Variants in NAB1 observed in about 807,000 individuals in gnomAD.
The protein encoded by NAB1 is NGFI-A-binding protein 1.
In NAB1, 25 loss-of-function variants were observed where a neutral mutation model predicts 49.9. That is an observed-to-expected ratio of 0.50 (90% CI 0.37 to 0.70). The LOEUF is 0.70. Ranked by LOEUF, NAB1 falls within the 30% of genes least tolerant of loss-of-function variation. The pLI, the probability that NAB1 is intolerant of heterozygous loss-of-function variation, is 0.00. For synonymous variants in NAB1, 198 were observed against 215.6 expected, an observed-to-expected ratio of 0.92 and a Z score of 0.71; for missense variants, 489 against 575.9, an observed-to-expected ratio of 0.85 and a Z score of 1.54.
In NAB1 at chr2:190,685,046, T is replaced by C. The variant is rs191991356; in HGVS notation, c.1096-430T>C. Among the ~76,000 whole-genome samples, 69 of 152,332 alleles carry C rather than the reference T, an allele frequency of 4.5e-4. No individual in the cohort carries two copies. The highest frequency in any genetic ancestry group is 8.4e-4 in the Non-Finnish European group (57 of 68,032). On this transcript the variant is annotated intron_variant, in intron 7 of 9. Coordinates refer to ENST00000337386, the MANE Select transcript of NAB1 (RefSeq NM_005966.4). This position sits in a 1 kb window ranked among gnomAD's most constrained non-coding sequence, Gnocchi z 4.5. ...TTACACCTTTTCTCCCCCAAACATA[T>C]TGTCATCATATCAGAGTCTGTGTAC...
intron 3 of NAB1, among the ~76,000 whole-genome samples, chr2:190,658,781 G>T (rs555396811): frequency 6.6e-6 from 1 of 152,338 alleles, no homozygotes; most frequent in East Asian, 1.9e-4. Flanking sequence ...TCAGCAAATG[G>T]TTAGCATACT....
At chr2:190,687,338 G>A (rs371922814) in intron 9 of NAB1, 21 bp downstream of exon 9, 2 of 1,256,580 alleles carry the variant, frequency 1.6e-6, no homozygotes, top group Non-Finnish European at 2.2e-6. Flanking sequence ...GCTATATGAT[G>A]AGAGGGTAAC....
rs923465722 is a variant in NAB1, at chr2:190,692,285, A to G, written c.*1952A>G. Reference sequence around the variant, plus strand: ...AGTTTGTAGATTTTCATAAGCCACAATTTTAAAAGATGCAGTAATCTTCCA... The same window carrying G: ...AGTTTGTAGATTTTCATAAGCCACAGTTTTAAAAGATGCAGTAATCTTCCA... On this transcript the variant is annotated 3_prime_UTR_variant, in exon 10 of 10. Coordinates refer to ENST00000337386, the MANE Select transcript of NAB1 (RefSeq NM_005966.4). The surrounding 1 kb of genome is among the most constrained non-coding windows in gnomAD (Gnocchi z 5.2). 6.6e-6 allele frequency: 1 copy of G among 152,598 alleles called. No homozygotes were observed. Among genetic ancestry groups the G allele is most frequent in the Non-Finnish European group, 1.5e-5 (1 of 68,024 alleles). 9.5% of individuals were successfully genotyped at this position (152,598 alleles called of 1,614,324 possible). A position where few individuals can be genotyped will look rare whatever the true frequency, so the allele number is the denominator to read the frequency against.
chr2:190,673,195 T>G, intron 6 of NAB1, 43 bp downstream of exon 6: 1 of 1,597,906 alleles, frequency 6.3e-7, no homozygotes, highest in South Asian at 1.1e-5. Context: ...TAATGTTTGC[T>G]TTTGTTTTAA....
chr2:190,690,095 TCTA>T, intron 9 of NAB1, 147 bp from the exon 10 acceptor site: 1 of 547,792 alleles, frequency 1.8e-6, no homozygotes, highest in Non-Finnish European at 3.2e-6. Flanking sequence ...TCTTAACAGC[TCTA>T]TGAACAAAAA....
chr2:190,683,499 A>C (rs1422624214), intron 6 of NAB1, among the ~76,000 whole-genome samples: 2 of 151,850 alleles, frequency 1.3e-5, no homozygotes, highest in Non-Finnish European at 2.9e-5. Context: ...CCTTCTTTCC[A>C]GTGTAAAACA....
In NAB1 at chr2:190,663,526, G is replaced by A. The variant is rs1186490258; in HGVS notation, c.819+3531G>A. ...TGGTGAGTTAAGTAGTTGTGACACA[G>A]GCTGTTTGGCCCGTAAAGCCTAAAA... On this transcript the variant is annotated intron_variant, in intron 4 of 9. Transcript: ENST00000337386. The surrounding 1 kb of genome is among the most constrained non-coding windows in gnomAD (Gnocchi z 4.2). Among the ~76,000 whole-genome samples, 1 of 152,150 alleles carries A rather than the reference G, an allele frequency of 6.6e-6. No homozygotes were observed. Among genetic ancestry groups the A allele is most frequent in the African/African-American group, 2.4e-5 (1 of 41,428 alleles).
intron 9 of NAB1, among the ~76,000 whole-genome samples, chr2:190,688,525 C>T (rs1168245484): frequency 6.6e-6 from 1 of 151,562 alleles, no homozygotes; most frequent in Non-Finnish European, 1.5e-5. Flanking sequence ...TTTTCCATAA[C>T]ACAAAAAAAG....
chr2:190,655,841 C>T (rs1693891315), intron 2 of NAB1, 136 bp from the exon 3 acceptor site: 1 of 152,134 alleles, frequency 6.6e-6, no homozygotes, highest in South Asian at 2.1e-4. Flanking sequence ...TGTAAGGAGC[C>T]AAAGTGAATT....
chr2:190,668,544 G>A (rs961857963), intron 4 of NAB1, among the ~76,000 whole-genome samples: 8 of 151,838 alleles, frequency 5.3e-5, no homozygotes, highest in Non-Finnish European at 8.8e-5. Flanking sequence ...TTAATACATC[G>A]GTAGAAATGA....
chr2:190,659,323 T>C lies in NAB1; in HGVS notation c.147T>C (p.Phe49=). The C allele has an allele frequency of 1.2e-6, 2 of 1,614,076 alleles. No homozygotes were observed. Among genetic ancestry groups the C allele is most frequent in the Middle Eastern group, 1.6e-4 (1 of 6,062 alleles). ...TCTGTGAAGCAGGAGAAGAGGAGTT[T>C]TTGGAAATCATGGCACTCGTGGGCA... The part of the protein sequence containing the change: ...QQLCEAGEEE[F]LEIMALVGMA... Residue 49 remains phenylalanine (F), a synonymous_variant, in exon 4 of 10, where the codon TTT becomes TTC. Transcript: ENST00000337386. The surrounding 1 kb of genome is among the most constrained non-coding windows in gnomAD (Gnocchi z 6.2).
In NAB1 at chr2:190,659,276, G is replaced by A; in HGVS notation, c.100G>A (p.Gly34Ser). 1 of 1,614,022 alleles carries A rather than the reference G, an allele frequency of 6.2e-7. No homozygotes were observed. The highest frequency in any genetic ancestry group is 8.5e-7 in the Non-Finnish European group (1 of 1,180,014). Residue 34 changes from glycine to serine, a missense_variant, in exon 4 of 10, where the codon GGT becomes AGT. Physicochemically the swap from Gly to Ser is moderately conservative, Grantham distance 56. Coordinates refer to ENST00000337386, the MANE Select transcript of NAB1 (RefSeq NM_005966.4). The surrounding 1 kb of genome is among the most constrained non-coding windows in gnomAD (Gnocchi z 6.2). ...LSYFDAFIQQ[G>S]GDDVQQLCEA... ...TTATTTTGATGCCTTTATCCAACAA[G>A]GTGGTGATGATGTCCAGCAACTCTG...
At chr2:190,681,982 T>C (rs1695370746) in intron 6 of NAB1, among the ~76,000 whole-genome samples, 1 of 152,230 alleles carries the variant, frequency 6.6e-6, no homozygotes, top group South Asian at 2.1e-4. Flanking sequence ...AGTTTAATTG[T>C]AAATGCTAAT....
At chr2:190,656,741 C>T (rs1222369467) in intron 3 of NAB1, among the ~76,000 whole-genome samples, 2 of 151,904 alleles carry the variant, frequency 1.3e-5, no homozygotes, top group Non-Finnish European at 2.9e-5. Context: ...AAAATATAAG[C>T]TTGAGTCTTT....
chr2:190,688,909 G>T (rs535503178), intron 9 of NAB1, among the ~76,000 whole-genome samples: 1 of 150,710 alleles, frequency 6.6e-6, no homozygotes, highest in Non-Finnish European at 1.5e-5. Flanking sequence ...GCTCAGTCTC[G>T]GCTCACTCCA....
chr2:190,688,481 A>T (rs762995328), intron 9 of NAB1, among the ~76,000 whole-genome samples: 1 of 152,206 alleles, frequency 6.6e-6, no homozygotes, highest in Non-Finnish European at 1.5e-5. Context: ...GGGAAATTGA[A>T]ATTATCCTAA....
chr2:190,649,033 G>A (rs1401995553), upstream of NAB1: 3 of 146,754 alleles, frequency 2.0e-5, no homozygotes, highest in Non-Finnish European at 3.0e-5. The surrounding 1 kb of genome is among the most constrained non-coding windows in gnomAD (Gnocchi z 6.1). Context: ...GCGCGCGCGG[G>A]GAAGGCAGGG....
chr2:190,662,838 C>T (rs150108117), intron 4 of NAB1, among the ~76,000 whole-genome samples: 83 of 152,236 alleles, frequency 5.5e-4, no homozygotes, highest in Non-Finnish European at 8.7e-4. Flanking sequence ...ATGTAGTCAG[C>T]GGGTAACTGT....
rs1313892762 is a variant in NAB1 at position 190,676,972 on chromosome 2, CA to C, written c.1005+3821del. The stretch of plus-strand genomic sequence containing the variant: ...ATTTGACATGTAAAGGAAAGAGAAA[CA>C]TTTTTTTGCTTGTCATTATTAATGC... On this transcript the variant is annotated intron_variant, in intron 6 of 9. Transcript: ENST00000337386. This position sits in a 1 kb window ranked among gnomAD's most constrained non-coding sequence, Gnocchi z 4.6. The C allele has an allele frequency of 6.6e-6, 1 of 151,984 alleles. No individual in the cohort carries two copies. Among genetic ancestry groups the C allele is most frequent in the African/African-American group, 2.4e-5 (1 of 41,378 alleles). 9.4% of individuals were successfully genotyped at this position (151,984 alleles called of 1,614,324 possible).
Sources: allele counts gnomAD v4.1 joint callset (sites outside exome capture counted in the v4.1 genomes callset), GRCh38; gene constraint gnomAD v4.1.1; non-coding constraint Gnocchi (gnomAD v3.1); transcripts MANE v1.5; gene names NCBI Gene and HGNC (gene_info 2026-07-23, HGNC 2026-07-21).